Variants in ABCC9 observed in about 807,000 individuals in gnomAD.
The protein encoded by ABCC9 is ATP binding cassette subfamily C member 9.
In ABCC9, 95 loss-of-function variants were observed where a neutral mutation model predicts 188.3. That is an observed-to-expected ratio of 0.50 (90% CI 0.43 to 0.60). The LOEUF is 0.60. Among genes scored for constraint, ABCC9 ranks in the 20% least tolerant of loss-of-function variants. ABCC9 has a pLI of 0.00. For missense variants in ABCC9, 1,102 were observed against 1,876.3 expected (o/e 0.59, Z 7.62); for synonymous variants, 659 against 652.7 (o/e 1.01, Z -0.15).
chr12:21,883,169 G>A (rs1408394251), intron 15 of ABCC9, among the ~76,000 whole-genome samples: 1 of 152,212 alleles, frequency 6.6e-6, no homozygotes, highest in Non-Finnish European at 1.5e-5. Flanking sequence ...CTGATGATAT[G>A]GATGGATTAT....
chr12:21,891,872 G>T (rs751490980), intron 14 of ABCC9, among the ~76,000 whole-genome samples: 4 of 152,136 alleles, frequency 2.6e-5, no homozygotes, highest in Non-Finnish European at 4.4e-5. Flanking sequence ...GTTGGTCACG[G>T]CTTCCCAGGC....
At chr12:21,847,432 A>G (rs1944731809) in intron 25 of ABCC9, among the ~76,000 whole-genome samples, 1 of 152,120 alleles carries the variant, frequency 6.6e-6, no homozygotes, top group Non-Finnish European at 1.5e-5. Flanking sequence ...TTTTGGTGCT[A>G]TTTGACTTGA....
chr12:21,841,027 T>C (rs1327466143), intron 29 of ABCC9, among the ~76,000 whole-genome samples: 1 of 152,214 alleles, frequency 6.6e-6, no homozygotes, highest in Non-Finnish European at 1.5e-5. Context: ...AGGATTACTT[T>C]GTATATGTTT....
At chr12:21,825,643 G>A (rs115101219) in intron 31 of ABCC9, among the ~76,000 whole-genome samples, 2,629 of 151,748 alleles carry the variant, frequency 0.017, 74 homozygotes, top group African/African-American at 0.06. Context: ...GGATCTGTCC[G>A]GGGGTGGGGG....
Position 21,933,859 on chromosome 12 carries a change from A to G in ABCC9, c.207T>C (p.His69=), listed in dbSNP as rs1949380130. 6.2e-7 allele frequency: 1 copy of G among 1,613,666 alleles called. No homozygotes were observed. ...HHNTWLHFPG[H]NLRWILTFAL... ...CGAATGTAAGAATCCATCTCAGGTT[A>G]TGTCCCGGAAAATGAAGCCATGTGT... Residue 69 remains histidine (H), a synonymous_variant, in exon 4 of 40, where the codon CAT becomes CAC. Transcript: ENST00000261200.
intron 20 of ABCC9, 102 bp from the exon 21 acceptor site, chr12:21,861,157 T>A: frequency 1.1e-6 from 1 of 934,380 alleles, no homozygotes; most frequent in Non-Finnish European, 1.7e-6. Flanking sequence ...AAACATTTGC[T>A]GAATCACTTA....
intron 15 of ABCC9, 65 bp downstream of exon 15, chr12:21,887,761 A>G: frequency 9.6e-7 from 1 of 1,042,500 alleles, no homozygotes; most frequent in South Asian, 1.3e-5. Flanking sequence ...CAGTTGTATT[A>G]ATCTGTCCAT....
intron 5 of ABCC9, 36 bp from the exon 6 acceptor site, chr12:21,917,139 CTT>C (rs754851173): frequency 6.2e-7 from 1 of 1,603,924 alleles, no homozygotes; most frequent in Non-Finnish European, 8.5e-7. Flanking sequence ...AAGATGCAAT[CTT>C]TTCTTAAACA....
chr12:21,913,540 C>T (rs1447494975), intron 7 of ABCC9, among the ~76,000 whole-genome samples: 2 of 152,142 alleles, frequency 1.3e-5, no homozygotes, highest in Non-Finnish European at 2.9e-5. Context: ...CAATAATTAC[C>T]AGCTAAACAA....
rs181043059 is a variant in ABCC9, at chr12:21,903,867, A to G, written c.1618+2259T>C. On this transcript the variant is annotated intron_variant, in intron 12 of 39. Coordinates refer to ENST00000261200, the MANE Select transcript of ABCC9 (RefSeq NM_020297.4). ...ATGGGCATACTGCCCAAGGTAATTT[A>G]TAGATTCAATGCTATCCCCATCAAG... 6.8e-4 allele frequency among the ~76,000 whole-genome samples: 104 copies of G among 152,380 alleles called. 1 individual carries two copies. The highest frequency in any genetic ancestry group is 3.4e-3 in the Middle Eastern group (1 of 294).
intron 37 of ABCC9, 32 bp from the exon 38 acceptor site, chr12:21,807,511 A>G (rs766276761): frequency 1.2e-6 from 2 of 1,613,324 alleles, no homozygotes; most frequent in African/African-American, 2.7e-5. Flanking sequence ...GGATTTCACT[A>G]AAGAAATGCT....
Position 21,933,949 on chromosome 12 carries a change from C to A in ABCC9, c.143-26G>T, listed in dbSNP as rs1555124354. The A allele has an allele frequency of 9.3e-6, 15 of 1,612,598 alleles. No homozygotes were observed. The South Asian group carries it at 1.6e-4, about 18-fold the overall frequency. ...CTGGAAAAGAGAGAAAAGTTAAAAA[C>A]AAAAAGACATAAACCGAAGGCTCAA... is the stretch of plus-strand genomic sequence containing the variant. On this transcript the variant is annotated intron_variant, in intron 3 of 39. Coordinates refer to ENST00000261200, the MANE Select transcript of ABCC9 (RefSeq NM_020297.4).
chr12:21,912,736 T>C, intron 8 of ABCC9, 136 bp downstream of exon 8: 1 of 856,112 alleles, frequency 1.2e-6, no homozygotes. Flanking sequence ...ATTACTGTTT[T>C]CTTTCTTTTA....
chr12:21,856,847 T>C (rs1427565708), intron 22 of ABCC9, among the ~76,000 whole-genome samples: 1 of 152,070 alleles, frequency 6.6e-6, no homozygotes, highest in Non-Finnish European at 1.5e-5. Flanking sequence ...TTTCAGAAAA[T>C]ACCAGAGAAT....
chr12:21,807,401 C>A lies in ABCC9; in HGVS notation c.4394G>T (p.Arg1465Leu). The A allele has an allele frequency of 6.2e-7, 1 of 1,613,982 alleles. No individual in the cohort carries two copies. The highest frequency in any genetic ancestry group is 8.5e-7 in the Non-Finnish European group (1 of 1,179,884). Residue 1465 changes from arginine (R) to leucine (L), a missense_variant, in exon 38 of 40, where the codon CGC (arginine) becomes CTC (leucine). By Grantham distance (102) the Arg-to-Leu change is moderately radical (BLOSUM62 -2). Coordinates refer to ENST00000261200, the MANE Select transcript of ABCC9 (RefSeq NM_020297.4). Reference sequence around the variant, plus strand: ...ATCCATAATAAGAATGCTGCTTTTGCGGACAAAGGCCCTGGCAAGGCAAAA... The same window carrying A: ...ATCCATAATAAGAATGCTGCTTTTGAGGACAAAGGCCCTGGCAAGGCAAAA... ...QLFCLARAFV[R>L]KSSILIMDEA...
chr12:21,848,104 C>T (rs1944776353), intron 25 of ABCC9, 46 bp downstream of exon 25: 1 of 1,555,548 alleles, frequency 6.4e-7, no homozygotes, highest in South Asian at 1.1e-5. Context: ...ACCCTCGCAT[C>T]CTGTTATCCC....
chr12:21,845,532 A>G (rs1944612766), intron 26 of ABCC9, 71 bp downstream of exon 26: 2 of 1,212,296 alleles, frequency 1.6e-6, no homozygotes, highest in East Asian at 4.9e-5. Flanking sequence ...GCATCTAACT[A>G]GATAAGAAGG....
chr12:21,913,642 TTG>T (rs529714516), intron 7 of ABCC9, among the ~76,000 whole-genome samples: 3 of 152,158 alleles, frequency 2.0e-5, no homozygotes, highest in Admixed American at 6.6e-5. Context: ...TATGGTAGAC[TTG>T]TGTTTCCTAG....
chr12:21,927,344 T>C (rs1399032763), intron 4 of ABCC9, among the ~76,000 whole-genome samples: 1 of 152,040 alleles, frequency 6.6e-6, no homozygotes, highest in African/African-American at 2.4e-5. Context: ...GATAAGGAAG[T>C]TGGTTGGTAA....
Sources: gnomAD v4.1 joint callset for allele counts (sites outside exome capture counted in the v4.1 genomes callset) on GRCh38, gnomAD v4.1.1 for gene constraint, MANE v1.5 for transcripts, NCBI Gene and HGNC (gene_info 2026-07-23, HGNC 2026-07-21) for gene names.